Variants in SLC38A11 observed in about 807,000 individuals in gnomAD.
SLC38A11 encodes putative sodium-coupled neutral amino acid transporter 11.
In SLC38A11, 51 loss-of-function variants were observed where a neutral mutation model predicts 49.4. That is an observed-to-expected ratio of 1.03 (90% CI 0.83 to 1.30). The LOEUF is 1.30. Among genes scored for constraint, SLC38A11 ranks in the 50% most tolerant of loss-of-function variants. SLC38A11 has a pLI of 0.00. For synonymous variants in SLC38A11, 203 were observed against 192.9 expected (o/e 1.05, Z -0.43); for missense variants, 574 against 556.2 (o/e 1.03, Z -0.32).
intron 5 of SLC38A11, among the ~76,000 whole-genome samples, chr2:164,942,168 G>T (rs1010597904): frequency 1.3e-5 from 2 of 151,924 alleles, no homozygotes; most frequent in African/African-American, 4.8e-5. Context: ...AACCTTGGAG[G>T]CCAGGTGAGA....
At chr2:164,909,007 T>C (rs1685215521) in intron 10 of SLC38A11, among the ~76,000 whole-genome samples, 1 of 152,166 alleles carries the variant, frequency 6.6e-6, no homozygotes, top group African/African-American at 2.4e-5. Context: ...TACAGACCTA[T>C]AGTGTGGCAT....
chr2:164,903,263 T>C (rs1475605108), intron 11 of SLC38A11, among the ~76,000 whole-genome samples: 2 of 152,200 alleles, frequency 1.3e-5, no homozygotes, highest in Admixed American at 6.6e-5. Flanking sequence ...CTAATTCATC[T>C]GGAACTGCAG....
intron 7 of SLC38A11, among the ~76,000 whole-genome samples, chr2:164,926,539 T>C (rs996443054): frequency 6.6e-6 from 1 of 151,576 alleles, no homozygotes; most frequent in African/African-American, 2.4e-5. Context: ...TTATAAATCA[T>C]GCTGCTATAA....
At chr2:164,939,624 C>T in intron 5 of SLC38A11, 68 bp from the exon 6 acceptor site, 1 of 956,880 alleles carries the variant, frequency 1.0e-6, no homozygotes, top group Non-Finnish European at 1.6e-6. Flanking sequence ...ACTAAATAGG[C>T]CAGCATTTAA....
In SLC38A11 at chr2:164,915,951, C is replaced by G. The variant is rs757908409; in HGVS notation, c.640G>C (p.Val214Leu). Residue 214 changes from valine (V) to leucine (L), a missense_variant, in exon 8 of 12, where the codon GTA (valine) becomes CTA (leucine). Physicochemically the swap from Val to Leu is conservative, Grantham distance 32. Transcript: ENST00000685975. Reference protein sequence around the residue: ...PHIPKTEDAWVFAKPNAIQAV... With the variant: ...PHIPKTEDAWLFAKPNAIQAV... ...TGAATGGCATTGGGCTTTGCAAATACCCAAGCGTCTTCTGTTTTTGGTCTA... is the reference window on the plus strand; with the variant it reads ...TGAATGGCATTGGGCTTTGCAAATAGCCAAGCGTCTTCTGTTTTTGGTCTA... 2 of 1,595,280 alleles carry G rather than the reference C, an allele frequency of 1.3e-6. No homozygotes were observed. The highest frequency in any genetic ancestry group is 2.7e-5 in the African/African-American group (2 of 74,696).
intron 3 of SLC38A11, among the ~76,000 whole-genome samples, chr2:164,952,299 G>A (rs111294148): frequency 9.9e-5 from 15 of 152,272 alleles, no homozygotes; most frequent in African/African-American, 3.4e-4. Flanking sequence ...GATCACCAGA[G>A]CTTCATTTCT....
chr2:164,925,091 A>T (rs1243518963), intron 7 of SLC38A11, among the ~76,000 whole-genome samples: 1 of 152,234 alleles, frequency 6.6e-6, no homozygotes, highest in Non-Finnish European at 1.5e-5. Flanking sequence ...AAGCTAGCCC[A>T]GCTTGGCACC....
chr2:164,945,807 A>G (rs921706468), intron 3 of SLC38A11, 80 bp from the exon 4 acceptor site: 3 of 1,481,278 alleles, frequency 2.0e-6, no homozygotes, highest in Non-Finnish European at 2.7e-6. Flanking sequence ...TACCATCGAG[A>G]AAAGGGGAAA....
Position 164,926,093 on chromosome 2 carries a change from T to C in SLC38A11, c.618-10120A>G, listed in dbSNP as rs552414294. ...ATATCATTTCCACTGGAAAATGGAA[T>C]CCTTTTGCCTGGATGCTTGGTTTGC... On this transcript the variant is annotated intron_variant, in intron 7 of 11. Transcript: ENST00000685975. Among the ~76,000 whole-genome samples, 10 of 152,294 alleles carry C rather than the reference T, an allele frequency of 6.6e-5. No homozygotes were observed. The South Asian group carries it at 2.1e-3, about 32-fold the overall frequency.
At chr2:164,917,210 G>A (rs1454407) in intron 7 of SLC38A11, among the ~76,000 whole-genome samples, 97,626 of 151,924 alleles carry the variant, frequency 0.64, 31,535 homozygotes, top group East Asian at 0.7. Context: ...ATGAAAAGGC[G>A]CTGGGTATTT....
chr2:164,928,446 C>T (rs1366700688), intron 7 of SLC38A11, among the ~76,000 whole-genome samples: 1 of 152,106 alleles, frequency 6.6e-6, no homozygotes. Context: ...TTCATGCATC[C>T]AGTTGATGAT....
At chr2:164,928,939 T>C (rs1307971721) in intron 7 of SLC38A11, among the ~76,000 whole-genome samples, 1 of 152,156 alleles carries the variant, frequency 6.6e-6, no homozygotes, top group Non-Finnish European at 1.5e-5. Context: ...CCTTTCATCA[T>C]CTCATGGAGG....
At position 164,949,544 on chromosome 2, in the gene SLC38A11, C is replaced by T. The variant is rs144065601; in HGVS notation, c.229+3163G>A. Among the ~76,000 whole-genome samples the T allele has an allele frequency of 2.0e-4, 30 of 152,322 alleles. No homozygotes were observed. In the East Asian group the frequency reaches 5.6e-3, roughly 28 times the overall value. On this transcript the variant is annotated intron_variant, in intron 3 of 11. Transcript: ENST00000685975. Reference sequence around the variant, plus strand: ...AAGTGCTGGGATTACAGGGGTGAACCACCGTGCCCAGTCCTAAGAAGTATT... The same window carrying T: ...AAGTGCTGGGATTACAGGGGTGAACTACCGTGCCCAGTCCTAAGAAGTATT...
At chr2:164,953,956 G>A (rs1688686171) in intron 2 of SLC38A11, among the ~76,000 whole-genome samples, 2 of 152,114 alleles carry the variant, frequency 1.3e-5, no homozygotes, top group South Asian at 4.1e-4. Flanking sequence ...ACTTTTTTCA[G>A]TAAATTTCCC....
chr2:164,915,655 T>C, intron 8 of SLC38A11: 1 of 452,100 alleles, frequency 2.2e-6, no homozygotes. Context: ...CCTTCCAAGT[T>C]AAGAAACAAG....
Position 164,937,372 on chromosome 2 carries a change from C to T in SLC38A11, c.595G>A (p.Ala199Thr). ...TLILGIVMARAISLGPHIPKT... is the reference protein window; with the variant it reads ...TLILGIVMARTISLGPHIPKT... ...TACATGTGTGGACCCAGTGAAATTG[C>T]CCTTGCCATTACAATTCCAAGAATC... Residue 199 changes from alanine (A) to threonine (T), a missense_variant, in exon 7 of 12, where the codon GCA becomes ACA. Coordinates refer to ENST00000685975, the MANE Select transcript of SLC38A11 (RefSeq NM_001351537.2). The T allele has an allele frequency of 1.2e-6, 2 of 1,611,130 alleles. No homozygotes were observed. Among genetic ancestry groups the T allele is most frequent in the East Asian group, 2.2e-5 (1 of 44,774 alleles).
At chr2:164,939,146 C>T (rs1006109661) in intron 6 of SLC38A11, among the ~76,000 whole-genome samples, 1 of 151,864 alleles carries the variant, frequency 6.6e-6, no homozygotes, top group Non-Finnish European at 1.5e-5. Flanking sequence ...AATACTTTTC[C>T]AATAAATTAG....
chr2:164,937,881 C>CTT (rs1172249868), intron 6 of SLC38A11, among the ~76,000 whole-genome samples: 1 of 148,608 alleles, frequency 6.7e-6, no homozygotes, highest in South Asian at 2.1e-4. Flanking sequence ...CCTCCCCGTC[C>CTT]TTTTTTTTTT....
At chr2:164,913,229 G>A (rs1333418243) in intron 9 of SLC38A11, among the ~76,000 whole-genome samples, 2 of 151,778 alleles carry the variant, frequency 1.3e-5, no homozygotes, top group East Asian at 3.9e-4. Context: ...GGCAGGAGGG[G>A]ATTAAAACAC....
Sources: gnomAD v4.1 joint callset for allele counts (sites outside exome capture counted in the v4.1 genomes callset) on GRCh38, gnomAD v4.1.1 for gene constraint, MANE v1.5 for transcripts, NCBI Gene and HGNC (gene_info 2026-07-23, HGNC 2026-07-21) for gene names.